Variants in NCK2 observed in about 807,000 individuals in gnomAD.
NCK2 encodes the protein NCK adaptor protein 2.
Under a neutral mutation model 33.9 loss-of-function variants are expected in NCK2, and 16 were observed. The observed-to-expected ratio is 0.47, with a 90% confidence interval of 0.32 to 0.72. The LOEUF (loss-of-function observed/expected upper bound fraction) is 0.72, where lower values mean the gene tolerates loss of function less well. NCK2 is among the 30% of genes least tolerant of loss of function. The pLI is 0.03. For missense variants in NCK2, 418 were observed against 537.3 expected (o/e 0.78, Z 2.19); for synonymous variants, 273 against 239.9 (o/e 1.14, Z -1.27).
intron 2 of NCK2, among the ~76,000 whole-genome samples, chr2:105,830,944 A>T (rs939492253): frequency 3.3e-5 from 5 of 151,808 alleles, no homozygotes; most frequent in Non-Finnish European, 5.9e-5. Flanking sequence ...TTTGCTGTTG[A>T]GTTTTTGAAT....
intron 1 of NCK2, among the ~76,000 whole-genome samples, chr2:105,807,565 G>A (rs1293869666): frequency 6.6e-6 from 1 of 152,070 alleles, no homozygotes; most frequent in Non-Finnish European, 1.5e-5. Flanking sequence ...TCCTAGGGTG[G>A]TGTGAGGGTG....
In NCK2 at chr2:105,837,551, C is replaced by T. The variant is rs535213223; in HGVS notation, c.-16-17497C>T. Among the ~76,000 whole-genome samples the T allele has an allele frequency of 1.7e-4, 26 of 152,244 alleles. No homozygotes were observed. The South Asian group carries it at 5.4e-3, about 32-fold the overall frequency. ...TTTTCTCTTCTTTAACTGTCATAAG[C>T]AGTACTGCCCTGAGCACTGTGCATG... On this transcript the variant is annotated intron_variant, in intron 2 of 4. Coordinates refer to ENST00000233154, the MANE Select transcript of NCK2 (RefSeq NM_003581.5).
chr2:105,857,550 T>G (rs1269871376), intron 3 of NCK2, among the ~76,000 whole-genome samples: 1 of 152,244 alleles, frequency 6.6e-6, no homozygotes, highest in Non-Finnish European at 1.5e-5. Flanking sequence ...CTGTAGAGTG[T>G]CAGCCCTCCC....
chr2:105,768,041 A>T (rs4851856), intron 1 of NCK2, among the ~76,000 whole-genome samples: 51,215 of 152,064 alleles, frequency 0.34, 9,741 homozygotes, highest in East Asian at 0.46. Flanking sequence ...GCAGAAATAG[A>T]ACATAAGCTG....
intron 2 of NCK2, among the ~76,000 whole-genome samples, chr2:105,831,631 C>T (rs941472978): frequency 6.6e-6 from 1 of 152,080 alleles, no homozygotes; most frequent in African/African-American, 2.4e-5. Flanking sequence ...TTTCCTACCA[C>T]CATTTATTGA....
chr2:105,771,147 C>T (rs2104380570), intron 1 of NCK2, among the ~76,000 whole-genome samples: 1 of 152,200 alleles, frequency 6.6e-6, no homozygotes, highest in African/African-American at 2.4e-5. Context: ...TGCTCTCGAT[C>T]TCCTGACCTC....
intron 1 of NCK2, among the ~76,000 whole-genome samples, chr2:105,792,167 C>T (rs1481878001): frequency 2.0e-5 from 3 of 152,276 alleles, no homozygotes; most frequent in South Asian, 2.1e-4. Flanking sequence ...AGGTGCTTTG[C>T]GCACCTTCAT....
At chr2:105,835,683 GA>G (rs1184137912) in intron 2 of NCK2, among the ~76,000 whole-genome samples, 3 of 151,622 alleles carry the variant, frequency 2.0e-5, no homozygotes, top group African/African-American at 7.3e-5. Flanking sequence ...CCCACAAAGG[GA>G]AGTTTCCTGC....
At chr2:105,837,746 A>G (rs1027860220) in intron 2 of NCK2, among the ~76,000 whole-genome samples, 2 of 152,126 alleles carry the variant, frequency 1.3e-5, no homozygotes, top group African/African-American at 2.4e-5. Context: ...TTGATTTTCA[A>G]CCTTCCTAAC....
chr2:105,859,294 A>T (rs1677419825), intron 3 of NCK2, among the ~76,000 whole-genome samples: 2 of 152,188 alleles, frequency 1.3e-5, no homozygotes. Context: ...GGGCTGACTC[A>T]CATTACCCAA....
rs144603845 is a variant in NCK2, at chr2:105,884,466, G to A, written c.948+2417G>A. On this transcript the variant is annotated intron_variant, in intron 4 of 4. Transcript: ENST00000233154. ...TATTTAATTTCCTTTTTTTCTTGCA[G>A]TCTTTGGGCCTGGGCCTTTAATTGA... Among the ~76,000 whole-genome samples, 361 of 152,284 alleles carry A rather than the reference G, an allele frequency of 2.4e-3. 1 individual carries two copies. The highest frequency in any genetic ancestry group is 7.7e-3 in the African/African-American group (319 of 41,550).
At chr2:105,810,915 C>A (rs573666013) in intron 1 of NCK2, among the ~76,000 whole-genome samples, 1 of 152,236 alleles carries the variant, frequency 6.6e-6, no homozygotes, top group South Asian at 2.1e-4. Context: ...GTGGCTCACA[C>A]CTGTAATCTC....
chr2:105,854,794 T>C, intron 2 of NCK2: 1 of 352,644 alleles, frequency 2.8e-6, no homozygotes, highest in Non-Finnish European at 5.3e-6. Flanking sequence ...AAGTTTGTTT[T>C]TGTTAGAGGG....
In NCK2 at chr2:105,847,934, G is replaced by A. The variant is rs187826609; in HGVS notation, c.-16-7114G>A. Among the ~76,000 whole-genome samples the A allele has an allele frequency of 2.2e-3, 334 of 151,942 alleles. 1 individual carries two copies. Among genetic ancestry groups the A allele is most frequent in the Middle Eastern group, 3.4e-3 (1 of 294 alleles). ...GGGAGCTGTGACCCAAGACTTATTG[G>A]GATCTCTTCGTAAAACCTCACAGAA... is the stretch of plus-strand genomic sequence containing the variant. On this transcript the variant is annotated intron_variant, in intron 2 of 4. Transcript: ENST00000233154.
chr2:105,873,947 G>A (rs888519223), intron 3 of NCK2, among the ~76,000 whole-genome samples: 1 of 152,154 alleles, frequency 6.6e-6, no homozygotes, highest in Non-Finnish European at 1.5e-5. Context: ...GGAGTGCCCT[G>A]ACCACACAGA....
At chr2:105,772,509 C>T (rs1435752228) in intron 1 of NCK2, among the ~76,000 whole-genome samples, 1 of 152,044 alleles carries the variant, frequency 6.6e-6, no homozygotes, top group Non-Finnish European at 1.5e-5. Context: ...CAGAAGTGGC[C>T]GGATCTCTGG....
rs548377679 is a variant in NCK2, at chr2:105,763,687, A to T, written c.-201+18549A>T. Among the ~76,000 whole-genome samples the T allele has an allele frequency of 1.7e-4, 26 of 152,330 alleles. No homozygotes were observed. The South Asian group carries it at 4.8e-3, about 28-fold the overall frequency. ...GTTTATAATAACTTCCAGTATCAGG[A>T]CAGTGTAAATGACTTAAAATCTCTT... On this transcript the variant is annotated intron_variant, in intron 1 of 4. Transcript: ENST00000233154.
intron 1 of NCK2, among the ~76,000 whole-genome samples, chr2:105,796,538 G>C (rs1691087797): frequency 6.6e-6 from 1 of 152,196 alleles, no homozygotes; most frequent in African/African-American, 2.4e-5. Flanking sequence ...GGGGACATGA[G>C]TGTGTGGCAC....
rs73946607 is a variant in NCK2 at position 105,875,783 on chromosome 2, T to C, written c.227-5545T>C. On this transcript the variant is annotated intron_variant, in intron 3 of 4. Coordinates refer to ENST00000233154, the MANE Select transcript of NCK2 (RefSeq NM_003581.5). ...TAATTTTACTTTATAAGTCAGTTGG[T>C]TTACAGTATTTTGTTATAGGCGCCT... Among the ~76,000 whole-genome samples, 914 of 152,326 alleles carry C rather than the reference T, an allele frequency of 6.0e-3. 15 individuals carry two copies. The highest frequency in any genetic ancestry group is 0.02 in the African/African-American group (819 of 41,570).
Sources: allele counts gnomAD v4.1 joint callset (sites outside exome capture counted in the v4.1 genomes callset), GRCh38; gene constraint gnomAD v4.1.1; transcripts MANE v1.5; gene names NCBI Gene and HGNC (gene_info 2026-07-23, HGNC 2026-07-21).